DNAH3: variants seen among roughly 807,000 people sequenced by gnomAD.
DNAH3 encodes axonemal beta dynein heavy chain 3.
A neutral mutation model predicts 432.5 loss-of-function variants in DNAH3; 332 were observed. The ratio of observed to expected loss-of-function variants is 0.77; its 90% confidence interval spans 0.70 to 0.84. The LOEUF is 0.84. Ranked by LOEUF, DNAH3 falls within the 40% of genes least tolerant of loss-of-function variation. DNAH3 has a pLI of 0.00. For missense variants in DNAH3, 4,861 were observed against 5,114.0 expected, an observed-to-expected ratio of 0.95 and a Z score of 1.51; for synonymous variants, 1,956 against 1,900.2, an observed-to-expected ratio of 1.03 and a Z score of -0.76.
At chr16:21,157,025 A>ACACACACACAC (rs2092902716) in intron 1 of DNAH3, among the ~76,000 whole-genome samples, 1 of 151,364 alleles carries the variant, frequency 6.6e-6, no homozygotes, top group South Asian at 2.1e-4. Context: ...ACACACACAC[A>ACACACACACAC]ATCTTTTCCT....
chr16:20,987,831 G>C (rs1567590692), exon 46 of DNAH3: 1 of 1,614,100 alleles, frequency 6.2e-7, no homozygotes, highest in Non-Finnish European at 8.5e-7. Context: ...TAGTAGCTTG[G>C]ACCAGCATCT....
chr16:21,117,278 G>T (rs1261545098), exon 12 of DNAH3: 1 of 1,611,568 alleles, frequency 6.2e-7, no homozygotes, highest in Non-Finnish European at 8.5e-7. Context: ...TTTTTCTTCT[G>T]CGTTAACAGT....
At chr16:20,961,346 G>A (rs1028422721) in intron 53 of DNAH3, among the ~76,000 whole-genome samples, 1 of 151,996 alleles carries the variant, frequency 6.6e-6, no homozygotes, top group Non-Finnish European at 1.5e-5. Flanking sequence ...GGCCTGTCGT[G>A]GGGTGCGGGG....
chr16:20,972,302 T>C (rs970463389), intron 51 of DNAH3, among the ~76,000 whole-genome samples: 1 of 151,804 alleles, frequency 6.6e-6, no homozygotes, highest in African/African-American at 2.4e-5. Context: ...GGTGGGATCA[T>C]AGCTCACTGC....
chr16:21,025,466 A>T (rs1011966978), intron 38 of DNAH3, among the ~76,000 whole-genome samples: 1 of 146,618 alleles, frequency 6.8e-6, no homozygotes, highest in African/African-American at 2.5e-5. Context: ...ATATACTGTA[A>T]TTATAGATAT....
intron 12 of DNAH3, among the ~76,000 whole-genome samples, chr16:21,112,428 A>G (rs190463295): frequency 8.9e-4 from 136 of 152,324 alleles, no homozygotes; most frequent in African/African-American, 3.2e-3. Context: ...ACAGTTCCAC[A>G]TGGCTGGGGA....
intron 27 of DNAH3, among the ~76,000 whole-genome samples, chr16:21,056,416 T>TTTTAAACC (rs1238472919): frequency 4.5e-4 from 63 of 139,608 alleles, no homozygotes; most frequent in African/African-American, 1.7e-3. Context: ...CTTCCTTCCT[T>TTTTAAACC]CTTTAAACCC....
intron 12 of DNAH3, among the ~76,000 whole-genome samples, chr16:21,113,610 C>T (rs1163840682): frequency 6.6e-6 from 1 of 152,064 alleles, no homozygotes; most frequent in Admixed American, 6.6e-5. Context: ...AGGCATGTGC[C>T]ACCACACCCA....
At chr16:20,949,088 C>T (rs365594) in intron 56 of DNAH3, among the ~76,000 whole-genome samples, 6,952 of 152,050 alleles carry the variant, frequency 0.046, 212 homozygotes, top group East Asian at 0.14. Context: ...ATCTTCCATT[C>T]GTTTGTGCGA....
chr16:21,037,690 CACCAAACACA>C, intron 34 of DNAH3, 61 bp downstream of exon 34: 1 of 1,350,148 alleles, frequency 7.4e-7, no homozygotes, highest in Non-Finnish European at 1.0e-6. Context: ...ATGGGGAAGG[CACCAAACACA>C]ACATTTCATC....
exon 37 of DNAH3, chr16:21,031,173 C>T: frequency 6.2e-7 from 1 of 1,614,136 alleles, no homozygotes; most frequent in South Asian, 1.1e-5. Flanking sequence ...TTGGCAAGGA[C>T]ACCATCCATC....
chr16:21,141,138 CA>C (rs1334143306), intron 4 of DNAH3, among the ~76,000 whole-genome samples, 161 bp downstream of exon 5: 39 of 147,432 alleles, frequency 2.6e-4, no homozygotes, highest in Non-Finnish European at 4.0e-4. Flanking sequence ...GACTCCATCT[CA>C]AAAAAAAAAA....
exon 40 of DNAH3, chr16:21,021,985 T>A: frequency 9.9e-6 from 16 of 1,612,904 alleles, no homozygotes; most frequent in Non-Finnish European, 1.3e-5. Flanking sequence ...CAGAGAAGAG[T>A]ACAGTCTCAT....
At chr16:21,094,809 A>G (rs1442236067) in intron 18 of DNAH3, among the ~76,000 whole-genome samples, 2 of 152,116 alleles carry the variant, frequency 1.3e-5, no homozygotes, top group African/African-American at 4.8e-5. Context: ...TAACTGAATC[A>G]TGGGGTCGAG....
At chr16:20,980,178 T>A (rs1274733704) in intron 49 of DNAH3, among the ~76,000 whole-genome samples, 26 of 140,556 alleles carry the variant, frequency 1.8e-4, no homozygotes, top group African/African-American at 4.5e-4. Flanking sequence ...AAAATATATA[T>A]ATATATATAT....
chr16:21,133,832 C>A (rs1025720652), intron 7 of DNAH3, among the ~76,000 whole-genome samples: 2 of 152,214 alleles, frequency 1.3e-5, no homozygotes, highest in Non-Finnish European at 2.9e-5. Flanking sequence ...GTTCTAAGTG[C>A]TTTGGATGTA....
chr16:21,087,185 A>ACCACC, intron 18 of DNAH3, 125 bp from the exon 19 acceptor site: 2 of 787,240 alleles, frequency 2.5e-6, no homozygotes, highest in South Asian at 1.7e-5. Flanking sequence ...ACAGGCTTTG[A>ACCACC]GGATCTGAAA....
chr16:20,986,997 C>A (rs1301977668), intron 47 of DNAH3, among the ~76,000 whole-genome samples: 1 of 152,146 alleles, frequency 6.6e-6, no homozygotes, highest in South Asian at 2.1e-4. Context: ...CATTTCTCAA[C>A]TCACCAATTA....
intron 41 of DNAH3, among the ~76,000 whole-genome samples, chr16:21,017,798 C>T (rs781486050): frequency 2.0e-5 from 3 of 151,970 alleles, no homozygotes; most frequent in South Asian, 2.1e-4. Flanking sequence ...ATGTGGCAGG[C>T]GGTAATAGTA....
Sources: allele counts gnomAD v4.1 joint callset (sites outside exome capture counted in the v4.1 genomes callset), GRCh38; gene constraint gnomAD v4.1.1; transcripts MANE v1.5; gene names NCBI Gene and HGNC (gene_info 2026-07-23, HGNC 2026-07-21).